VCPIP1: variants seen among roughly 807,000 people sequenced by gnomAD.
VCPIP1 encodes deubiquitinating protein VCPIP1.
A neutral mutation model predicts 85.0 loss-of-function variants in VCPIP1; 8 were observed. The ratio of observed to expected loss-of-function variants is 0.09; its 90% CI spans 0.06 to 0.17. VCPIP1 has a LOEUF of 0.17. VCPIP1 is among the 10% of genes least tolerant of loss of function. VCPIP1 has a pLI of 1.00. For synonymous variants in VCPIP1, 543 were observed against 544.5 expected, an observed-to-expected ratio of 1.00 and a Z score of 0.04; for missense variants, 1,070 against 1,486.3, an observed-to-expected ratio of 0.72 and a Z score of 4.61.
At position 66,653,182 on chromosome 8, in the gene VCPIP1, C is replaced by G. The variant is rs150562206; in HGVS notation, c.2711-1638G>C. On this transcript the variant is annotated intron_variant, in intron 1 of 2. Transcript: ENST00000310421. ...AACATTTACTAATGATGCAGTACTACTAGAATAGCTATATTTAAGGATGGA... is the reference window on the plus strand; with the variant it reads ...AACATTTACTAATGATGCAGTACTAGTAGAATAGCTATATTTAAGGATGGA... Among the ~76,000 whole-genome samples, 853 of 152,152 alleles carry G rather than the reference C, an allele frequency of 5.6e-3. 17 individuals carry two copies. The highest frequency in any genetic ancestry group is 0.046 in the Admixed American group (707 of 15,276).
chr8:66,639,233 C>T (rs1780589171), intron 2 of VCPIP1, among the ~76,000 whole-genome samples: 2 of 151,524 alleles, frequency 1.3e-5, no homozygotes. Context: ...CATCTGTCCG[C>T]CTTGGCCTCC....
chr8:66,637,545 A>C (rs1810900922), intron 2 of VCPIP1, among the ~76,000 whole-genome samples: 1 of 151,582 alleles, frequency 6.6e-6, no homozygotes, highest in Non-Finnish European at 1.5e-5. Flanking sequence ...TGATACTTCT[A>C]AGCATAATTG....
chr8:66,652,593 A>C (rs1186352936), intron 1 of VCPIP1, among the ~76,000 whole-genome samples: 2 of 152,132 alleles, frequency 1.3e-5, no homozygotes, highest in Admixed American at 6.5e-5. Flanking sequence ...AGCCTGTGCT[A>C]CAAGAGCAAA....
At chr8:66,659,134 T>C (rs1006983003) in intron 1 of VCPIP1, among the ~76,000 whole-genome samples, 2 of 151,854 alleles carry the variant, frequency 1.3e-5, no homozygotes, top group African/African-American at 4.8e-5. Context: ...ATATTTATGG[T>C]GGATAATGTA....
intron 1 of VCPIP1, among the ~76,000 whole-genome samples, chr8:66,657,138 C>T (rs1050538142): frequency 6.6e-6 from 1 of 152,156 alleles, no homozygotes; most frequent in African/African-American, 2.4e-5. Context: ...CTCCTGATCT[C>T]AGACAATTTG....
At position 66,666,359 on chromosome 8, in the gene VCPIP1, C is replaced by A. The variant is rs1314233466; in HGVS notation, c.600G>T (p.Arg200=). Residue 200 remains arginine, a synonymous_variant, in exon 1 of 3, where the codon CGG becomes CGT. Coordinates refer to ENST00000310421, the MANE Select transcript of VCPIP1 (RefSeq NM_025054.5). The surrounding 1 kb of genome is among the most constrained non-coding windows in gnomAD (Gnocchi z 6.3). ...TGAGACATTCCTGGCTTTTATTGGC[C>A]CGCTTAATGTCCTCCAGAGTGTCAT... ...YLHDTLEDIK[R]ANKSQECLIP... is the part of the protein sequence containing the mutation. 6.2e-7 allele frequency: 1 copy of A among 1,614,124 alleles called. No homozygotes were observed. The highest frequency in any genetic ancestry group is 1.1e-5 in the South Asian group (1 of 91,078).
At position 66,634,609 on chromosome 8, in the gene VCPIP1, A is replaced by G; in HGVS notation, c.3561T>C (p.Phe1187=). 1 of 1,614,210 alleles carries G rather than the reference A, an allele frequency of 6.2e-7. No individual in the cohort carries two copies. Among genetic ancestry groups the G allele is most frequent in the Non-Finnish European group, 8.5e-7 (1 of 1,180,034 alleles). ...CCCTTTGTGCTTTTGACCTTGTGGC[A>G]AAGGCTGCTCCCAGTGCATCTGCTA... is the stretch of plus-strand genomic sequence containing the variant. ...GCVADALGAA[F]ATRSKAQRGN... Residue 1187 remains phenylalanine (F), a synonymous_variant, in exon 3 of 3, where the codon TTT becomes TTC. Coordinates refer to ENST00000310421, the MANE Select transcript of VCPIP1 (RefSeq NM_025054.5).
rs1042021619 is a variant in VCPIP1, at chr8:66,630,193, C to T, written c.*4308G>A. 1 of 152,100 alleles carries T rather than the reference C, an allele frequency of 6.6e-6. No individual in the cohort carries two copies. The highest frequency in any genetic ancestry group is 2.4e-5 in the African/African-American group (1 of 41,398). 9.4% of individuals were successfully genotyped at this position (152,100 alleles called of 1,614,324 possible). A position where few individuals can be genotyped will look rare whatever the true frequency, so the allele number is the denominator to read the frequency against. ...ATACACTATTACCAATTATTCATTACTCAAATGTAATATATACAGTAATCA... is the reference window on the plus strand; with the variant it reads ...ATACACTATTACCAATTATTCATTATTCAAATGTAATATATACAGTAATCA... On this transcript the variant is annotated 3_prime_UTR_variant, in exon 3 of 3. Transcript: ENST00000310421.
chr8:66,644,892 A>C (rs1322622982), intron 2 of VCPIP1, among the ~76,000 whole-genome samples: 2 of 150,712 alleles, frequency 1.3e-5, no homozygotes, highest in Non-Finnish European at 3.0e-5. Context: ...TGAGCTCAGG[A>C]GTTTGAGACC....
rs1563573272 is a variant in VCPIP1 at position 66,666,114 on chromosome 8, C to G, written c.845G>C (p.Gly282Ala). 1.2e-6 allele frequency: 2 copies of G among 1,614,188 alleles called. No homozygotes were observed. The highest frequency in any genetic ancestry group is 1.7e-6 in the Non-Finnish European group (2 of 1,180,040). Residue 282 changes from glycine to alanine, a missense_variant, in exon 1 of 3, where the codon GGT (glycine) becomes GCT (alanine). Coordinates refer to ENST00000310421, the MANE Select transcript of VCPIP1 (RefSeq NM_025054.5). The surrounding 1 kb of genome is among the most constrained non-coding windows in gnomAD (Gnocchi z 6.3). ...GATATTCCTCAGGCCCAAGGGAACA[C>G]CCTCAGGTGGTACAAACAGAGGGTC... ...ECDPLFVPPE[G>A]VPLGLRNIHI... is the part of the protein sequence containing the mutation.
chr8:66,658,281 C>G (rs1811119188), intron 1 of VCPIP1, among the ~76,000 whole-genome samples: 1 of 149,564 alleles, frequency 6.7e-6, no homozygotes. Flanking sequence ...TTGCAGTGAG[C>G]CGAGATTGCA....
intron 2 of VCPIP1, among the ~76,000 whole-genome samples, chr8:66,648,858 C>T (rs1811023705): frequency 6.6e-6 from 1 of 151,996 alleles, no homozygotes; most frequent in African/African-American, 2.4e-5. Flanking sequence ...TGCTCAGCCC[C>T]AGTAAAACTT....
rs149721062 is a variant in VCPIP1, at chr8:66,666,707, C to T, written c.252G>A (p.Gly84=). The T allele has an allele frequency of 3.7e-6, 6 of 1,614,210 alleles. No individual in the cohort carries two copies. The highest frequency in any genetic ancestry group is 5.1e-6 in the Non-Finnish European group (6 of 1,180,038). The change falls in exon 1 of 3, where the codon GGG becomes GGA. Residue 84 remains glycine, a synonymous_variant. Transcript: ENST00000310421. The surrounding 1 kb of genome is among the most constrained non-coding windows in gnomAD (Gnocchi z 6.3). ...CGTCCGGGTCGGTCACCTCCTCAAC[C>T]CCCAGCAGCTGTTGCTGCTCGTGCC... ...GQRHEQQQLL[G]VEEVTDPDVV... is the part of the protein sequence containing the mutation.
chr8:66,645,759 C>CAAA lies in VCPIP1; in HGVS notation c.2797+5696_2797+5698dup, dbSNP rs1179669993. Among the ~76,000 whole-genome samples the CAAA allele has an allele frequency of 1.1e-3, 64 of 57,230 alleles. 1 individual carries two copies. Among genetic ancestry groups the CAAA allele is most frequent in the African/African-American group, 1.6e-3 (31 of 19,836 alleles). 37.5% of individuals were successfully genotyped at this position (57,230 alleles called of 152,430 possible). On this transcript the variant is annotated intron_variant, in intron 2 of 2. Transcript: ENST00000310421. ...GCAATATGGCAAAACCCTGTCTCTA[C>CAAA]AAAAAAAAAAAAAAAAAAAAAATTA...
intron 2 of VCPIP1, among the ~76,000 whole-genome samples, chr8:66,642,004 G>A (rs765481465): frequency 1.4e-4 from 21 of 152,144 alleles, no homozygotes; most frequent in Non-Finnish European, 2.4e-4. Context: ...AACCTTTTGA[G>A]GAACTGCCAA....
In VCPIP1 at chr8:66,664,929, C is replaced by G; in HGVS notation, c.2030G>C (p.Gly677Ala). 4 of 1,614,152 alleles carry G rather than the reference C, an allele frequency of 2.5e-6. No individual in the cohort carries two copies. Among genetic ancestry groups the G allele is most frequent in the Middle Eastern group, 1.6e-4 (1 of 6,062 alleles). Reference sequence around the variant, plus strand: ...CTCTGATTCTTGTCCTTGAACATCTCCAACTCTTTGGGCGTGAGCACCATC... The same window carrying G: ...CTCTGATTCTTGTCCTTGAACATCTGCAACTCTTTGGGCGTGAGCACCATC... ...NIDGAHAQRV[G>A]DVQGQESESQ... Residue 677 changes from glycine (G) to alanine (A), a missense_variant, in exon 1 of 3, where the codon GGA becomes GCA. This residue lies in a region of VCPIP1 where 278 missense variants were observed against 298.5 expected (regional missense o/e 0.93). Transcript: ENST00000310421.
At chr8:66,645,332 C>T (rs904769288) in intron 2 of VCPIP1, among the ~76,000 whole-genome samples, 4 of 151,948 alleles carry the variant, frequency 2.6e-5, no homozygotes, top group Non-Finnish European at 4.4e-5. Context: ...ACAGGAGAAT[C>T]GCTTGAACTC....
chr8:66,651,179 C>G (rs1416312608), intron 2 of VCPIP1, among the ~76,000 whole-genome samples: 1 of 140,152 alleles, frequency 7.1e-6, no homozygotes, highest in African/African-American at 2.8e-5. Context: ...GAACGAAATT[C>G]CATCTCAAAA....
intron 1 of VCPIP1, among the ~76,000 whole-genome samples, chr8:66,656,157 A>C (rs1811097953): frequency 6.6e-6 from 1 of 152,166 alleles, no homozygotes; most frequent in Non-Finnish European, 1.5e-5. Flanking sequence ...AACATCAAAA[A>C]AAGTTTAAGA....
Sources: gnomAD v4.1 joint callset for allele counts (sites outside exome capture counted in the v4.1 genomes callset) on GRCh38, gnomAD v4.1.1 for gene constraint, gnomAD v4.1.1 regional missense constraint, Gnocchi (gnomAD v3.1) non-coding constraint, MANE v1.5 for transcripts, NCBI Gene and HGNC (gene_info 2026-07-23, HGNC 2026-07-21) for gene names.